The following EPHB1 variants were observed in gnomAD, a reference collection of about 807,000 sequenced individuals.
EPHB1 encodes the protein EPH receptor B1.
Under a neutral mutation model 94.4 loss-of-function variants are expected in EPHB1, and 30 were observed. The observed-to-expected ratio is 0.32, with a 90% CI of 0.24 to 0.43. The LOEUF (loss-of-function observed/expected upper bound fraction) is 0.43. Among genes scored for constraint, EPHB1 ranks in the 20% least tolerant of loss-of-function variants. The probability of loss-of-function intolerance (pLI) is 1.00; values close to 1 mark genes in which losing one functional copy is unlikely to be tolerated. For missense variants in EPHB1, 1,055 were observed against 1,308.3 expected (o/e 0.81, Z 2.99); for synonymous variants, 522 against 489.1 (o/e 1.07, Z -0.89).
At chr3:135,217,120 G>C (rs1213363978) in intron 12 of EPHB1, among the ~76,000 whole-genome samples, 2 of 152,096 alleles carry the variant, frequency 1.3e-5, no homozygotes, top group African/African-American at 4.8e-5. Flanking sequence ...CCAGGCCCTA[G>C]ACCTGACCTG....
intron 3 of EPHB1, among the ~76,000 whole-genome samples, chr3:134,993,201 G>A (rs899130360): frequency 6.6e-6 from 1 of 152,206 alleles, no homozygotes; most frequent in African/African-American, 2.4e-5. Flanking sequence ...GCAGTTGGCT[G>A]CCCTGCTGCC....
At chr3:134,840,208 A>G (rs1159287467) in intron 1 of EPHB1, among the ~76,000 whole-genome samples, 1 of 152,146 alleles carries the variant, frequency 6.6e-6, no homozygotes, top group Non-Finnish European at 1.5e-5. Context: ...TGCCTGGCCC[A>G]GGGCTTTGCC....
At chr3:135,039,216 C>CA (rs1457621783) in intron 3 of EPHB1, among the ~76,000 whole-genome samples, 1 of 152,212 alleles carries the variant, frequency 6.6e-6, no homozygotes, top group African/African-American at 2.4e-5. Context: ...TCCACGTCCT[C>CA]ACCAGAGCAG....
chr3:135,116,706 T>C (rs944686953), intron 4 of EPHB1, among the ~76,000 whole-genome samples: 3 of 152,232 alleles, frequency 2.0e-5, no homozygotes, highest in Non-Finnish European at 4.4e-5. Context: ...CCCCTGTCTG[T>C]ACACCCACCT....
chr3:134,888,664 C>T (rs548267476), intron 1 of EPHB1, among the ~76,000 whole-genome samples: 100 of 148,844 alleles, frequency 6.7e-4, no homozygotes, highest in Middle Eastern at 3.5e-3. Context: ...GCCGTGATCA[C>T]GCCACTGCAC....
chr3:135,135,621 C>T (rs755309016), intron 5 of EPHB1, among the ~76,000 whole-genome samples: 1 of 152,186 alleles, frequency 6.6e-6, no homozygotes, highest in Non-Finnish European at 1.5e-5. Flanking sequence ...CTGGTCCACT[C>T]TAGCTCACAC....
At chr3:134,921,231 C>T (rs1297811059) in intron 1 of EPHB1, among the ~76,000 whole-genome samples, 1 of 152,136 alleles carries the variant, frequency 6.6e-6, no homozygotes, top group Non-Finnish European at 1.5e-5. Flanking sequence ...TCTTGCCCCT[C>T]CCACTGTTGC....
intron 12 of EPHB1, among the ~76,000 whole-genome samples, chr3:135,215,657 A>G (rs1274076224): frequency 2.6e-5 from 4 of 152,234 alleles, no homozygotes; most frequent in Non-Finnish European, 5.9e-5. Flanking sequence ...AAGAGAGAAC[A>G]GGGGAAAAGA....
intron 1 of EPHB1, among the ~76,000 whole-genome samples, chr3:134,814,730 G>T (rs953015859): frequency 6.6e-6 from 1 of 152,216 alleles, no homozygotes; most frequent in African/African-American, 2.4e-5. Context: ...GGAAGGCTCT[G>T]CATCTTGTTG....
intron 10 of EPHB1, among the ~76,000 whole-genome samples, chr3:135,183,030 C>CTTTTCTTTTCTTTTCTTTTCT (rs11459145): frequency 6.6e-4 from 44 of 67,174 alleles, no homozygotes; most frequent in Admixed American, 1.4e-3. Context: ...CTTTTCTTTT[C>CTTTTCTTTTCTTTTCTTTTCT]TTTCTTTCTT....
intron 4 of EPHB1, among the ~76,000 whole-genome samples, chr3:135,115,666 C>A (rs1939666134): frequency 2.0e-5 from 3 of 152,136 alleles, no homozygotes; most frequent in Admixed American, 2.0e-4. Context: ...ATCAGGTAAA[C>A]CAGGGTTGAC....
At chr3:134,929,436 G>A (rs569849545) in intron 2 of EPHB1, among the ~76,000 whole-genome samples, 2 of 152,314 alleles carry the variant, frequency 1.3e-5, no homozygotes, top group South Asian at 4.1e-4. Flanking sequence ...TGACAACTGT[G>A]CACGGGTGAG....
intron 3 of EPHB1, among the ~76,000 whole-genome samples, chr3:134,985,792 A>G (rs1387053457): frequency 1.3e-5 from 2 of 152,124 alleles, no homozygotes; most frequent in African/African-American, 2.4e-5. Context: ...TTCCAAAAAC[A>G]TCTGCCTCCA....
At position 135,215,490 on chromosome 3, in the gene EPHB1, G is replaced by A. The variant is rs536340926; in HGVS notation, c.2346+13801G>A. Among the ~76,000 whole-genome samples the A allele has an allele frequency of 1.8e-3, 278 of 152,220 alleles. 3 individuals carry two copies. Among genetic ancestry groups the A allele is most frequent in the Non-Finnish European group, 2.9e-3 (196 of 67,992 alleles). ...GATGTACATTTTAAAGCTAACTAGC[G>A]AAAAGGATCCTATAACTTTCTCACT... On this transcript the variant is annotated intron_variant, in intron 12 of 15. Transcript: ENST00000398015.
At chr3:134,973,422 AGTC>A (rs1212911664) in intron 3 of EPHB1, among the ~76,000 whole-genome samples, 17 of 111,332 alleles carry the variant, frequency 1.5e-4, no homozygotes, top group African/African-American at 6.9e-4. Flanking sequence ...TCTGTCTTCT[AGTC>A]TTTTTTTTTT....
chr3:135,031,875 A>T (rs1030794809), intron 3 of EPHB1, among the ~76,000 whole-genome samples: 1 of 152,048 alleles, frequency 6.6e-6, no homozygotes, highest in African/African-American at 2.4e-5. Context: ...TATGATGTCT[A>T]AGTTAAAAAT....
chr3:134,831,027 G>A (rs143925696), intron 1 of EPHB1, among the ~76,000 whole-genome samples: 183 of 152,264 alleles, frequency 1.2e-3, no homozygotes, highest in African/African-American at 4.1e-3. Context: ...TGTCATGCAA[G>A]CTCCCAGGAA....
chr3:135,119,933 CTGTT>C (rs1939882118), intron 4 of EPHB1, among the ~76,000 whole-genome samples: 1 of 152,134 alleles, frequency 6.6e-6, no homozygotes, highest in Admixed American at 6.6e-5. Context: ...TATATACTAA[CTGTT>C]TGTGTATGTT....
intron 1 of EPHB1, among the ~76,000 whole-genome samples, chr3:134,862,665 C>T (rs371607989): frequency 1.3e-5 from 2 of 152,216 alleles, no homozygotes; most frequent in African/African-American, 4.8e-5. Flanking sequence ...CCTTGGTTGC[C>T]GTGTGGCTCA....
Sources: gnomAD v4.1 joint callset for allele counts (sites outside exome capture counted in the v4.1 genomes callset) on GRCh38, gnomAD v4.1.1 for gene constraint, MANE v1.5 for transcripts, NCBI Gene and HGNC (gene_info 2026-07-23, HGNC 2026-07-21) for gene names.